The following HTT variants were observed in gnomAD, a reference collection of about 807,000 sequenced individuals.
HTT encodes the protein huntington disease protein.
In HTT, 104 loss-of-function variants were observed where a neutral mutation model predicts 362.3. The observed-to-expected ratio is 0.29, with a 90% CI of 0.24 to 0.34. The LOEUF is 0.34. Among genes scored for constraint, HTT ranks in the 10% least tolerant of loss-of-function variants. The pLI, the probability that HTT is intolerant of heterozygous loss-of-function variation, is 1.00. For synonymous variants in HTT, 1,577 were observed against 1,548.7 expected, an observed-to-expected ratio of 1.02 and a Z score of -0.43; for missense variants, 3,301 against 3,928.6, an observed-to-expected ratio of 0.84 and a Z score of 4.27.
intron 61 of HTT, among the ~76,000 whole-genome samples, chr4:3,233,925 G>A (rs914985657): frequency 2.6e-5 from 4 of 152,234 alleles, no homozygotes; most frequent in African/African-American, 9.6e-5. Context: ...TTCCAAAGTC[G>A]CAGAGGCTTT....
intron 60 of HTT, among the ~76,000 whole-genome samples, chr4:3,230,616 T>A (rs1177590781): frequency 6.6e-6 from 1 of 152,172 alleles, no homozygotes; most frequent in South Asian, 2.1e-4. Context: ...TTATAAACAG[T>A]GGAAATTTAC....
Position 3,142,899 on chromosome 4 carries a change from C to T in HTT, c.3066+13C>T. 1.2e-6 allele frequency: 2 copies of T among 1,609,750 alleles called. No homozygotes were observed. Among genetic ancestry groups the T allele is most frequent in the Non-Finnish European group, 1.7e-6 (2 of 1,176,648 alleles). On this transcript the variant is annotated intron_variant, in intron 23 of 66. Coordinates refer to ENST00000355072, the MANE Select transcript of HTT (RefSeq NM_001388492.1). ...CAGAGCACTCACAGTAAGTCTCTTTCTTGATCGGTCTTACTGACATTGTAA... is the reference window on the plus strand; with the variant it reads ...CAGAGCACTCACAGTAAGTCTCTTTTTTGATCGGTCTTACTGACATTGTAA...
At chr4:3,119,077 G>GA (rs1715168921) in intron 8 of HTT, among the ~76,000 whole-genome samples, 1 of 152,160 alleles carries the variant, frequency 6.6e-6, no homozygotes, top group Non-Finnish European at 1.5e-5. Context: ...GGAATAAATT[G>GA]AAAAATAGAG....
chr4:3,152,214 T>C (rs1230114611), intron 26 of HTT, among the ~76,000 whole-genome samples: 1 of 151,956 alleles, frequency 6.6e-6, no homozygotes, highest in Non-Finnish European at 1.5e-5. Context: ...TTCTCCTGCC[T>C]CAGCCTCCCG....
At chr4:3,190,998 A>G (rs901692037) in intron 40 of HTT, among the ~76,000 whole-genome samples, 2 of 152,200 alleles carry the variant, frequency 1.3e-5, no homozygotes, top group African/African-American at 4.8e-5. Context: ...ATTGTTCAGC[A>G]GTTGATCTGT....
At position 3,131,795 on chromosome 4, in the gene HTT, C is replaced by A; in HGVS notation, c.2236+20C>A. 1 of 1,598,688 alleles carries A rather than the reference C, an allele frequency of 6.3e-7. No individual in the cohort carries two copies. Among genetic ancestry groups the A allele is most frequent in the Non-Finnish European group, 8.5e-7 (1 of 1,169,936 alleles). ...ACCCTGGTATGTTAAAAGTTCACAT[C>A]TTATTTTCTCAGATTTAATCATTAT... On this transcript the variant is annotated intron_variant, in intron 16 of 66. Transcript: ENST00000355072.
chr4:3,134,325 G>A (rs947301667), intron 18 of HTT, 76 bp from the exon 19 acceptor site: 13 of 1,337,564 alleles, frequency 9.7e-6, no homozygotes, highest in East Asian at 4.7e-5. Context: ...GAAGAGTGAC[G>A]GTTCTCAAAC....
chr4:3,093,703 C>T (rs1281866021), intron 2 of HTT, among the ~76,000 whole-genome samples: 2 of 151,840 alleles, frequency 1.3e-5, no homozygotes, highest in Non-Finnish European at 2.9e-5. Flanking sequence ...AGAGAAGGCC[C>T]TGTGAAGATG....
chr4:3,107,983 G>C (rs936692466), intron 6 of HTT, among the ~76,000 whole-genome samples: 1 of 152,222 alleles, frequency 6.6e-6, no homozygotes, highest in African/African-American at 2.4e-5. Flanking sequence ...ACCCTCCTGG[G>C]AGGTGATGAT....
intron 1 of HTT, among the ~76,000 whole-genome samples, chr4:3,075,647 C>CGGG (rs1560535774): frequency 3.2e-4 from 20 of 61,650 alleles, no homozygotes; most frequent in Admixed American, 7.8e-4. Flanking sequence ...AGTGGCGGGG[C>CGGG]AGGGGGGGGG....
At chr4:3,197,259 G>T (rs1719295772) in intron 40 of HTT, among the ~76,000 whole-genome samples, 1 of 152,058 alleles carries the variant, frequency 6.6e-6, no homozygotes. Flanking sequence ...TGCTCTCATG[G>T]ACAACTTTCT....
At chr4:3,128,859 C>T (rs1414743330) in intron 12 of HTT, 1 of 152,194 alleles carries the variant, frequency 6.6e-6, no homozygotes, top group African/African-American at 2.4e-5. Context: ...GTCATGGAAT[C>T]ATTGCTACCA....
intron 26 of HTT, among the ~76,000 whole-genome samples, chr4:3,153,924 A>G (rs1489572722): frequency 1.3e-5 from 2 of 152,142 alleles, no homozygotes; most frequent in Non-Finnish European, 2.9e-5. Context: ...CAAAAAAGAA[A>G]AAAAAAATGC....
At chr4:3,164,355 C>G (rs1717595477) in intron 29 of HTT, among the ~76,000 whole-genome samples, 1 of 152,152 alleles carries the variant, frequency 6.6e-6, no homozygotes, top group Non-Finnish European at 1.5e-5. Context: ...ACTATGTGGT[C>G]AGTTTTAGAA....
chr4:3,209,058 T>TG (rs1044734304), intron 46 of HTT, 147 bp downstream of exon 46: 36 of 872,008 alleles, frequency 4.1e-5, no homozygotes, highest in African/African-American at 3.9e-4. Context: ...GTTAGAGACG[T>TG]GGGGGGCCAT....
chr4:3,138,024 T>C (rs1286869665), intron 21 of HTT, among the ~76,000 whole-genome samples: 1 of 152,126 alleles, frequency 6.6e-6, no homozygotes, highest in East Asian at 1.9e-4. Context: ...TTAAATAATT[T>C]TGGTACTTAC....
chr4:3,205,099 G>A (rs1469631520), intron 42 of HTT, among the ~76,000 whole-genome samples: 1 of 152,070 alleles, frequency 6.6e-6, no homozygotes, highest in Non-Finnish European at 1.5e-5. Context: ...TAACTTGTGG[G>A]AGTTTTTAAC....
At chr4:3,083,002 AG>A (rs1297729171) in intron 1 of HTT, among the ~76,000 whole-genome samples, 1 of 152,196 alleles carries the variant, frequency 6.6e-6, no homozygotes, top group East Asian at 1.9e-4. Context: ...TTGAGTGGAA[AG>A]GGGGCAAGCC....
At chr4:3,143,494 A>T (rs1248844148) in intron 23 of HTT, among the ~76,000 whole-genome samples, 1 of 151,742 alleles carries the variant, frequency 6.6e-6, no homozygotes, top group Admixed American at 6.6e-5. Context: ...TGCATTGGTA[A>T]TGTATCAGAA....
Sources: allele counts gnomAD v4.1 joint callset (sites outside exome capture counted in the v4.1 genomes callset), GRCh38; gene constraint gnomAD v4.1.1; transcripts MANE v1.5; gene names NCBI Gene and HGNC (gene_info 2026-07-23, HGNC 2026-07-21).